STXBP4: variants seen among roughly 807,000 people sequenced by gnomAD.
The protein encoded by STXBP4 is syntaxin-binding protein 4.
In STXBP4, 55 loss-of-function variants were observed where a neutral mutation model predicts 76.1. The observed-to-expected ratio is 0.72, with a 90% CI of 0.58 to 0.91. The LOEUF (loss-of-function observed/expected upper bound fraction) is 0.91. Ranked by LOEUF, STXBP4 falls within the 40% of genes least tolerant of loss-of-function variation. STXBP4 has a pLI of 0.00. For synonymous variants in STXBP4, 201 were observed against 220.2 expected, an observed-to-expected ratio of 0.91 and a Z score of 0.77; for missense variants, 618 against 636.9, an observed-to-expected ratio of 0.97 and a Z score of 0.32.
At chr17:55,144,326 C>A (rs2080127684) in intron 17 of STXBP4, among the ~76,000 whole-genome samples, 3 of 151,984 alleles carry the variant, frequency 2.0e-5, no homozygotes. Context: ...TTTGTTGGAA[C>A]TTAACCCTAT....
intron 12 of STXBP4, among the ~76,000 whole-genome samples, chr17:55,056,148 C>T (rs2078920224): frequency 6.6e-6 from 1 of 152,036 alleles, no homozygotes; most frequent in Admixed American, 6.6e-5. Flanking sequence ...TTTCTAAGAG[C>T]TACATTTTTA....
chr17:54,981,223 T>G (rs2077546964), intron 1 of STXBP4, among the ~76,000 whole-genome samples: 1 of 152,124 alleles, frequency 6.6e-6, no homozygotes, highest in African/African-American at 2.4e-5. Flanking sequence ...TTTTGTTTTT[T>G]AAACAAGATA....
chr17:55,208,557 G>GGGAGGGAGGGAGGAAA, the STXBP4 span, among the ~76,000 whole-genome samples: 1 of 137,808 alleles, frequency 7.3e-6, no homozygotes, highest in African/African-American at 2.9e-5. Flanking sequence ...AAGGAAGCAA[G>GGGAGGGAGGGAGGAAA]GAAGGAAGGG....
In STXBP4 at chr17:55,097,423, G is replaced by A. The variant is rs561359393; in HGVS notation, c.1489+16240G>A. Among the ~76,000 whole-genome samples, 6 of 152,166 alleles carry A rather than the reference G, an allele frequency of 3.9e-5. No homozygotes were observed. The South Asian group carries it at 1.0e-3, about 26-fold the overall frequency. On this transcript the variant is annotated intron_variant, in intron 16 of 17. Transcript: ENST00000376352. The stretch of plus-strand genomic sequence containing the variant: ...TCATGCCTGTAATCCCAGCACTTTG[G>A]GGGGCCAAGGCGGGCGGATCACGAG...
intron 4 of STXBP4, among the ~76,000 whole-genome samples, chr17:54,994,264 C>T (rs957429352): frequency 6.6e-6 from 1 of 152,146 alleles, no homozygotes. Context: ...CCAAGACACT[C>T]CTTTAAGCTT....
At chr17:55,042,697 A>G (rs996241541) in intron 10 of STXBP4, among the ~76,000 whole-genome samples, 8 of 152,136 alleles carry the variant, frequency 5.3e-5, no homozygotes, top group African/African-American at 1.9e-4. Flanking sequence ...ACTTGTGCAT[A>G]AATTATTAAT....
chr17:55,195,581 G>A, the STXBP4 span, among the ~76,000 whole-genome samples: 1 of 152,092 alleles, frequency 6.6e-6, no homozygotes, highest in Admixed American at 6.5e-5. Context: ...TGAGTAGCAG[G>A]AACCACAGAT....
At chr17:55,176,285 G>A (rs778943654), downstream of STXBP4, among the ~76,000 whole-genome samples, 2 of 152,082 alleles carry the variant, frequency 1.3e-5, no homozygotes, top group African/African-American at 4.8e-5. Context: ...AGTGGTCTGC[G>A]AGGGCTTTTT....
the STXBP4 span, among the ~76,000 whole-genome samples, chr17:55,188,696 G>A: frequency 2.1e-4 from 32 of 152,172 alleles, no homozygotes; most frequent in Non-Finnish European, 4.4e-4. Flanking sequence ...CCTGGTTCCT[G>A]GCAATTGAAG....
chr17:55,025,393 G>A (rs1384488700), intron 8 of STXBP4, among the ~76,000 whole-genome samples: 2 of 152,060 alleles, frequency 1.3e-5, no homozygotes, highest in African/African-American at 4.8e-5. Context: ...TGTACAAATA[G>A]TTCCGGCCCA....
chr17:55,109,230 T>C (rs1000896859), intron 16 of STXBP4, among the ~76,000 whole-genome samples: 3 of 152,214 alleles, frequency 2.0e-5, no homozygotes, highest in African/African-American at 7.2e-5. Context: ...TTTTGAGATA[T>C]TGATTTTTAA....
intron 16 of STXBP4, among the ~76,000 whole-genome samples, chr17:55,109,622 G>A (rs981979357): frequency 1.4e-4 from 17 of 120,122 alleles, no homozygotes; most frequent in African/African-American, 5.7e-4. Context: ...CAAACTCAAT[G>A]TCTTTTTTTT....
chr17:55,008,665 G>C (rs538155764), intron 8 of STXBP4, among the ~76,000 whole-genome samples: 2 of 152,194 alleles, frequency 1.3e-5, no homozygotes, highest in South Asian at 2.1e-4. Context: ...TAATAAACTG[G>C]GGGGAGCATA....
chr17:55,043,953 A>G (rs2078747612), intron 11 of STXBP4: 1 of 256,706 alleles, frequency 3.9e-6, no homozygotes. Context: ...GGTTCAAGTG[A>G]TTCTCCCACC....
chr17:55,064,648 G>C (rs972311803), intron 12 of STXBP4, among the ~76,000 whole-genome samples: 1 of 151,866 alleles, frequency 6.6e-6, no homozygotes, highest in Non-Finnish European at 1.5e-5. Context: ...CACGCCACCC[G>C]CCACCCGCCA....
At chr17:55,120,019 ATTG>A (rs2079826285) in intron 16 of STXBP4, among the ~76,000 whole-genome samples, 1 of 152,174 alleles carries the variant, frequency 6.6e-6, no homozygotes, top group African/African-American at 2.4e-5. Flanking sequence ...TCCCACCTTT[ATTG>A]TTAACATATA....
downstream of STXBP4, chr17:55,173,765 C>T (rs2080418508): frequency 6.6e-6 from 1 of 152,214 alleles, no homozygotes; most frequent in Non-Finnish European, 1.5e-5. Context: ...GTGACTTAAG[C>T]ATTACAAATT....
chr17:55,107,206 C>T (rs1428882395), intron 16 of STXBP4, among the ~76,000 whole-genome samples: 1 of 152,120 alleles, frequency 6.6e-6, no homozygotes, highest in Non-Finnish European at 1.5e-5. Flanking sequence ...CTCTGATATC[C>T]TTTCTTCCGC....
chr17:55,123,180 G>T (rs1034187363), intron 16 of STXBP4, among the ~76,000 whole-genome samples: 2 of 152,122 alleles, frequency 1.3e-5, no homozygotes, highest in Non-Finnish European at 2.9e-5. Context: ...TCTTGCCAAA[G>T]TACTTTTCAT....
Sources: gnomAD v4.1 joint callset for allele counts (sites outside exome capture counted in the v4.1 genomes callset) on GRCh38, gnomAD v4.1.1 for gene constraint, MANE v1.5 for transcripts, NCBI Gene and HGNC (gene_info 2026-07-23, HGNC 2026-07-21) for gene names.